The following NALF1 variants were observed in gnomAD, a reference collection of about 807,000 sequenced individuals.
NALF1 encodes the protein family with sequence similarity 155 member A.
NALF1 carries 3 observed loss-of-function variants against 48.4 expected under a neutral mutation model. The ratio of observed to expected loss-of-function variants is 0.06; its 90% CI spans 0.03 to 0.16. NALF1 has a LOEUF of 0.16. Among genes scored for constraint, NALF1 ranks in the 10% least tolerant of loss-of-function variants. The pLI, the probability that NALF1 is intolerant of heterozygous loss-of-function variation, is 1.00. For synonymous variants in NALF1, 262 were observed against 245.7 expected, an observed-to-expected ratio of 1.07 and a Z score of -0.62; for missense variants, 526 against 571.5, an observed-to-expected ratio of 0.92 and a Z score of 0.81.
chr13:107,349,605 G>C (rs1436126361), intron 1 of NALF1, among the ~76,000 whole-genome samples: 1 of 152,014 alleles, frequency 6.6e-6, no homozygotes, highest in East Asian at 1.9e-4. Context: ...GCCAGGCATG[G>C]TGGTGTATGC....
chr13:107,603,146 A>T (rs1878977760), intron 1 of NALF1, among the ~76,000 whole-genome samples: 1 of 152,186 alleles, frequency 6.6e-6, no homozygotes, highest in African/African-American at 2.4e-5. Context: ...TTTATTTTTC[A>T]TTGTACTGAT....
intron 1 of NALF1, among the ~76,000 whole-genome samples, chr13:107,853,023 T>A (rs1289720509): frequency 6.7e-6 from 1 of 148,206 alleles, no homozygotes; most frequent in African/African-American, 2.6e-5. Flanking sequence ...AAAGTCATAT[T>A]TGAGTGAATA....
intron 1 of NALF1, among the ~76,000 whole-genome samples, chr13:107,461,515 C>T (rs949948720): frequency 2.6e-5 from 4 of 152,132 alleles, no homozygotes; most frequent in African/African-American, 7.2e-5. Flanking sequence ...ACTCTACTCT[C>T]TATATAAATT....
chr13:107,414,078 G>A (rs1465596772), intron 1 of NALF1, among the ~76,000 whole-genome samples: 5 of 152,194 alleles, frequency 3.3e-5, no homozygotes, highest in African/African-American at 1.2e-4. Context: ...AGAGGCGTGA[G>A]CCACTGCACC....
chr13:107,692,352 C>G lies in NALF1; in HGVS notation c.915+173330G>C, dbSNP rs552182519. Among the ~76,000 whole-genome samples the G allele has an allele frequency of 3.1e-4, 47 of 151,624 alleles. No individual in the cohort carries two copies. In the South Asian group the frequency reaches 9.8e-3, roughly 31 times the overall value. ...ATGGCAAGTTTTTGAAATATTAGTT[C>G]TGTGTGAAAAAAAAATGAATTTGTT... On this transcript the variant is annotated intron_variant, in intron 1 of 2. Transcript: ENST00000375915.
At chr13:107,668,778 T>C (rs17436645) in intron 1 of NALF1, among the ~76,000 whole-genome samples, 3,929 of 152,154 alleles carry the variant, frequency 0.026, 72 homozygotes, top group Middle Eastern at 0.065. Flanking sequence ...ATAAATCTAA[T>C]AGCTTTTCAT....
chr13:107,389,771 C>T (rs1194421388), intron 1 of NALF1, among the ~76,000 whole-genome samples: 1 of 152,116 alleles, frequency 6.6e-6, no homozygotes, highest in East Asian at 1.9e-4. Flanking sequence ...CTGCATAGAA[C>T]AGTGCCTGGC....
intron 1 of NALF1, among the ~76,000 whole-genome samples, chr13:107,314,256 AG>A (rs747394765): frequency 2.8e-4 from 43 of 152,094 alleles, no homozygotes; most frequent in Non-Finnish European, 6.0e-4. Flanking sequence ...ATTAGGCTTT[AG>A]GCCCCCAGCT....
chr13:107,488,732 CT>C (rs1231878972), intron 1 of NALF1, among the ~76,000 whole-genome samples: 4 of 152,090 alleles, frequency 2.6e-5, no homozygotes, highest in Admixed American at 6.6e-5. Context: ...AATTTCCTCT[CT>C]CAACACTCTT....
chr13:107,675,440 T>C (rs1294830167), intron 1 of NALF1, among the ~76,000 whole-genome samples: 1 of 152,230 alleles, frequency 6.6e-6, no homozygotes, highest in African/African-American at 2.4e-5. Flanking sequence ...AGGAAATCTT[T>C]ATGTATCTGT....
At chr13:107,216,138 A>G (rs1879868256) in intron 1 of NALF1, among the ~76,000 whole-genome samples, 1 of 152,142 alleles carries the variant, frequency 6.6e-6, no homozygotes, top group Non-Finnish European at 1.5e-5. Flanking sequence ...ATTTTATTAG[A>G]TCCATTTCTG....
chr13:107,377,044 C>T (rs995790548), intron 1 of NALF1, among the ~76,000 whole-genome samples: 1 of 152,110 alleles, frequency 6.6e-6, no homozygotes, highest in African/African-American at 2.4e-5. Context: ...GTTACCTTGC[C>T]TCCTATTGTG....
At chr13:107,388,321 C>T (rs1413206025) in intron 1 of NALF1, among the ~76,000 whole-genome samples, 1 of 152,184 alleles carries the variant, frequency 6.6e-6, no homozygotes, top group Admixed American at 6.5e-5. Flanking sequence ...AATATAAAAG[C>T]TTAGACATCT....
intron 1 of NALF1, among the ~76,000 whole-genome samples, chr13:107,732,441 A>C (rs1876335540): frequency 1.3e-5 from 2 of 152,128 alleles, no homozygotes; most frequent in African/African-American, 4.8e-5. Context: ...AAAATGTATT[A>C]GTTACTTAAA....
chr13:107,742,887 T>C (rs148082603), intron 1 of NALF1, among the ~76,000 whole-genome samples: 89 of 152,292 alleles, frequency 5.8e-4, no homozygotes, highest in African/African-American at 1.9e-3. Context: ...ATGCTAAGAA[T>C]TGTGGATGCT....
chr13:107,767,853 G>A (rs558809586), intron 1 of NALF1, among the ~76,000 whole-genome samples: 28 of 152,236 alleles, frequency 1.8e-4, no homozygotes, highest in Middle Eastern at 6.8e-3. Context: ...AATCTTTAAA[G>A]AGCGTTTCTC....
rs372475600 is a variant in NALF1, at chr13:107,271,796, A to T, written c.916-61041T>A. On this transcript the variant is annotated intron_variant, in intron 1 of 2. Transcript: ENST00000375915. ...GGACTATATATATATATATATATAT[A>T]TATATATATATATATATATATTTAT... Among the ~76,000 whole-genome samples the T allele has an allele frequency of 2.9e-4, 30 of 104,526 alleles. 1 individual carries two copies. Among genetic ancestry groups the T allele is most frequent in the African/African-American group, 8.3e-4 (26 of 31,342 alleles). 68.6% of individuals were successfully genotyped at this position (104,526 alleles called of 152,430 possible).
intron 1 of NALF1, among the ~76,000 whole-genome samples, chr13:107,315,232 T>A (rs1032711811): frequency 1.4e-4 from 21 of 151,480 alleles, no homozygotes; most frequent in African/African-American, 5.1e-4. Context: ...TGTTTTCTTA[T>A]AAATATAAAT....
In NALF1 at chr13:107,673,124, A is replaced by C. The variant is rs57668856; in HGVS notation, c.915+192558T>G. Reference sequence around the variant, plus strand: ...CTCCTTTCTGTATGGGTGCGGCTGCATGTTTGGGCTTTGATCTTGTGTTCT... The same window carrying C: ...CTCCTTTCTGTATGGGTGCGGCTGCCTGTTTGGGCTTTGATCTTGTGTTCT... On this transcript the variant is annotated intron_variant, in intron 1 of 2. Coordinates refer to ENST00000375915, the MANE Select transcript of NALF1 (RefSeq NM_001080396.3). Among the ~76,000 whole-genome samples, 3,094 of 152,206 alleles carry C rather than the reference A, an allele frequency of 0.02. 166 individuals are homozygous for C. In the East Asian group the frequency reaches 0.21, roughly 10 times the overall value.
Sources: allele counts gnomAD v4.1 joint callset (sites outside exome capture counted in the v4.1 genomes callset), GRCh38; gene constraint gnomAD v4.1.1; transcripts MANE v1.5; gene names NCBI Gene and HGNC (gene_info 2026-07-23, HGNC 2026-07-21).